GRK3: variants seen among roughly 807,000 people sequenced by gnomAD.
The protein encoded by GRK3 is G protein-coupled receptor kinase 3, also known as adrenergic, beta, receptor kinase 2.
Under a neutral mutation model 95.7 loss-of-function variants are expected in GRK3, and 54 were observed. The observed-to-expected ratio is 0.56, with a 90% CI of 0.45 to 0.71. The LOEUF (loss-of-function observed/expected upper bound fraction) is 0.71, where lower values mean the gene tolerates loss of function less well. Among genes scored for constraint, GRK3 ranks in the 30% least tolerant of loss-of-function variants. GRK3 has a pLI of 0.00. For missense variants in GRK3, 649 were observed against 851.2 expected, an observed-to-expected ratio of 0.76 and a Z score of 2.96; for synonymous variants, 281 against 290.8, an observed-to-expected ratio of 0.97 and a Z score of 0.34.
At chr22:25,671,326 T>A (rs146610772) in intron 6 of GRK3, among the ~76,000 whole-genome samples, 3 of 152,260 alleles carry the variant, frequency 2.0e-5, no homozygotes, top group Non-Finnish European at 1.5e-5. Flanking sequence ...GGCGACAGAG[T>A]GAGACTCCGT....
intron 12 of GRK3, among the ~76,000 whole-genome samples, chr22:25,694,117 C>G (rs1365566761): frequency 1.3e-5 from 2 of 152,152 alleles, no homozygotes; most frequent in African/African-American, 4.8e-5. Flanking sequence ...AAGATAAGCA[C>G]AGAGATGCAA....
chr22:25,570,456 A>T (rs890149075), intron 1 of GRK3, among the ~76,000 whole-genome samples: 2 of 152,212 alleles, frequency 1.3e-5, no homozygotes, highest in African/African-American at 4.8e-5. Context: ...AAAGAGTAAA[A>T]GGGAAAAACA....
chr22:25,695,436 A>C (rs770767200), intron 13 of GRK3, among the ~76,000 whole-genome samples: 1 of 152,218 alleles, frequency 6.6e-6, no homozygotes. Context: ...ATTCTGTACC[A>C]TGTAGGAATC....
chr22:25,635,077 G>A (rs1243852754), intron 2 of GRK3, among the ~76,000 whole-genome samples: 1 of 152,112 alleles, frequency 6.6e-6, no homozygotes, highest in African/African-American at 2.4e-5. Flanking sequence ...TTTGAATGTG[G>A]CCCCACATAA....
chr22:25,687,472 A>G, intron 10 of GRK3, 65 bp from the exon 11 acceptor site: 4 of 1,563,096 alleles, frequency 2.6e-6, no homozygotes, highest in South Asian at 2.4e-5. Flanking sequence ...ACTATTTAGG[A>G]TGACAATGAT....
chr22:25,678,007 T>G (rs2085045435), intron 8 of GRK3, among the ~76,000 whole-genome samples: 3 of 152,244 alleles, frequency 2.0e-5, no homozygotes, highest in Non-Finnish European at 4.4e-5. Context: ...TGATTCTTTG[T>G]ATTATTTAAA....
At chr22:25,582,412 AT>A (rs1331661762) in intron 1 of GRK3, among the ~76,000 whole-genome samples, 1 of 152,234 alleles carries the variant, frequency 6.6e-6, no homozygotes, top group Non-Finnish European at 1.5e-5. Context: ...GCTGTAACAT[AT>A]TTCTAGACAG....
chr22:25,638,395 G>A (rs527911209), intron 2 of GRK3, among the ~76,000 whole-genome samples: 10 of 152,276 alleles, frequency 6.6e-5, no homozygotes, highest in African/African-American at 1.9e-4. Context: ...ACACAATAAG[G>A]GGGAAACACT....
chr22:25,580,614 A>T (rs1322176306), intron 1 of GRK3: 1 of 152,084 alleles, frequency 6.6e-6, no homozygotes, highest in African/African-American at 2.4e-5. Context: ...GCTCACTGCA[A>T]CCTCCGCCTC....
chr22:25,671,000 G>T (rs944381525), intron 6 of GRK3, among the ~76,000 whole-genome samples: 32 of 151,014 alleles, frequency 2.1e-4, no homozygotes, highest in Admixed American at 7.3e-4. Flanking sequence ...TTTGCAGTGA[G>T]CTGAGATCGC....
At position 25,696,384 on chromosome 22, in the gene GRK3, A is replaced by T. The variant is rs191480143; in HGVS notation, c.1160+1170A>T. Among the ~76,000 whole-genome samples, 5 of 152,312 alleles carry T rather than the reference A, an allele frequency of 3.3e-5. No homozygotes were observed. In the East Asian group the frequency reaches 9.6e-4, roughly 29 times the overall value. On this transcript the variant is annotated intron_variant, in intron 13 of 20. Coordinates refer to ENST00000324198, the MANE Select transcript of GRK3 (RefSeq NM_005160.4). ...TGGCCCTTGTTCTGAACTACCAAAG[A>T]TGATGAAATAGAGTAGAAAAGATTA...
At chr22:25,577,155 A>G (rs1008440243) in intron 1 of GRK3, among the ~76,000 whole-genome samples, 4 of 151,824 alleles carry the variant, frequency 2.6e-5, no homozygotes, top group Admixed American at 1.3e-4. Flanking sequence ...CACGTTTGTC[A>G]GTTACTCTAG....
intron 6 of GRK3, among the ~76,000 whole-genome samples, chr22:25,669,032 C>T (rs2084960988): frequency 6.6e-6 from 1 of 152,102 alleles, no homozygotes; most frequent in African/African-American, 2.4e-5. Flanking sequence ...TTACAATTTT[C>T]TGTAAATAAA....
At chr22:25,688,115 A>C (rs1441200783) in intron 11 of GRK3, among the ~76,000 whole-genome samples, 2 of 151,694 alleles carry the variant, frequency 1.3e-5, no homozygotes, top group Admixed American at 6.6e-5. Flanking sequence ...AGGTGCCTGT[A>C]GTCCCAGCTA....
chr22:25,568,648 G>A (rs1181623970), intron 1 of GRK3, among the ~76,000 whole-genome samples: 1 of 152,174 alleles, frequency 6.6e-6, no homozygotes, highest in Admixed American at 6.5e-5. Context: ...GACAAACCCA[G>A]CCACAGCCCC....
chr22:25,626,905 A>G (rs952704811), intron 2 of GRK3, among the ~76,000 whole-genome samples: 1 of 152,172 alleles, frequency 6.6e-6, no homozygotes, highest in African/African-American at 2.4e-5. Context: ...TTTTGATAAC[A>G]TCTTCACATT....
chr22:25,579,265 T>C (rs1932014602), intron 1 of GRK3, among the ~76,000 whole-genome samples: 1 of 151,236 alleles, frequency 6.6e-6, no homozygotes. Context: ...GCTCAACTGA[T>C]CCTCCCACAT....
chr22:25,662,256 G>T (rs1163763079), intron 4 of GRK3, among the ~76,000 whole-genome samples: 1 of 152,202 alleles, frequency 6.6e-6, no homozygotes, highest in East Asian at 1.9e-4. Context: ...TCTATATTAG[G>T]AATGTTTTCC....
At position 25,720,533 on chromosome 22, in the gene GRK3, G is replaced by A. The variant is rs569051222; in HGVS notation, c.1792-751G>A. Among the ~76,000 whole-genome samples the A allele has an allele frequency of 2.5e-3, 334 of 136,010 alleles. 4 individuals carry two copies. The Middle Eastern group carries it at 0.034, about 14-fold the overall frequency. The allele number at this position is 136,010 out of a possible 152,430, so 89.2% of individuals were successfully genotyped here. On this transcript the variant is annotated intron_variant, in intron 19 of 20. Coordinates refer to ENST00000324198, the MANE Select transcript of GRK3 (RefSeq NM_005160.4). Reference sequence around the variant, plus strand: ...GCTCTGTCGCCCAGGCTGGAGTGCAGTGGCGCGATCTTGGCTCACTGCAAC... The same window carrying A: ...GCTCTGTCGCCCAGGCTGGAGTGCAATGGCGCGATCTTGGCTCACTGCAAC...
Sources: allele counts gnomAD v4.1 joint callset (sites outside exome capture counted in the v4.1 genomes callset), GRCh38; gene constraint gnomAD v4.1.1; transcripts MANE v1.5; gene names NCBI Gene and HGNC (gene_info 2026-07-23, HGNC 2026-07-21).